Variants in TAF11 observed in about 807,000 individuals in gnomAD.
TAF11 encodes TATA-box binding protein associated factor 11, also known as transcription initiation factor TFIID subunit 11.
Under a neutral mutation model 23.0 loss-of-function variants are expected in TAF11, and 10 were observed. The observed-to-expected ratio is 0.43, with a 90% CI of 0.27 to 0.74. TAF11 has a LOEUF of 0.74. TAF11 is among the 30% of genes least tolerant of loss of function. TAF11 has a pLI of 0.19. For missense variants in TAF11, 196 were observed against 261.7 expected, an observed-to-expected ratio of 0.75 and a Z score of 1.73; for synonymous variants, 85 against 95.8, an observed-to-expected ratio of 0.89 and a Z score of 0.66.
At position 34,888,037 on chromosome 6, in the gene TAF11, G is replaced by C; in HGVS notation, c.-80C>G. Reference sequence around the variant, plus strand: ...CGGAAACCCGAGCTGCACAGGCCAGGATCTTACTTCCTGTCGTCGCGCAGC... The same window carrying C: ...CGGAAACCCGAGCTGCACAGGCCAGCATCTTACTTCCTGTCGTCGCGCAGC... On this transcript the variant is annotated 5_prime_UTR_variant, in exon 1 of 5. It adds an upstream start codon to the 5' untranslated region. Transcript: ENST00000361288. The C allele has an allele frequency of 6.4e-7, 1 of 1,571,866 alleles. No homozygotes were observed. Among genetic ancestry groups the C allele is most frequent in the Non-Finnish European group, 8.6e-7 (1 of 1,161,478 alleles).
Position 34,878,658 on chromosome 6 carries a change from C to T in TAF11, c.568G>A (p.Ala190Thr). The T allele has an allele frequency of 6.2e-7, 1 of 1,614,156 alleles. No homozygotes were observed. Among genetic ancestry groups the T allele is most frequent in the Non-Finnish European group, 8.5e-7 (1 of 1,180,016 alleles). The change falls in exon 5 of 5, where the codon GCC becomes ACC. Residue 190 changes from alanine (A) to threonine (T), a missense_variant. Physicochemically the swap from Ala to Thr is moderately conservative, Grantham distance 58. Transcript: ENST00000361288. ...CCTTTTGACTTTAACCTTCTAACGG[C>T]TTCCCTCATATGTTTGGGTTGTAGT... ...PPLQPKHMRE[A>T]VRRLKSKGQI...
Position 34,883,076 on chromosome 6 carries a change from T to C in TAF11, c.176A>G (p.Glu59Gly). ...TGTTAAATCTGAGACATCCTGACTCTCGAGCTGGGAAGATGAAAGAAACTC... is the reference window on the plus strand; with the variant it reads ...TGTTAAATCTGAGACATCCTGACTCCCGAGCTGGGAAGATGAAAGAAACTC... The part of the protein sequence containing the change: ...KEAAAEEGEL[E>G]SQDVSDLTTV... Residue 59 changes from glutamate (E) to glycine (G), a missense_variant, in exon 2 of 5, where the codon GAG (glutamate) becomes GGG (glycine). Transcript: ENST00000361288. 1 of 1,607,730 alleles carries C rather than the reference T, an allele frequency of 6.2e-7. No individual in the cohort carries two copies. Among genetic ancestry groups the C allele is most frequent in the East Asian group, 2.2e-5 (1 of 44,738 alleles).
intron 4 of TAF11, among the ~76,000 whole-genome samples, chr6:34,879,069 G>C (rs1158275952): frequency 6.6e-6 from 1 of 152,084 alleles, no homozygotes; most frequent in Non-Finnish European, 1.5e-5. Flanking sequence ...GCCAGGGGTG[G>C]TGGTGCGCAC....
intron 2 of TAF11, among the ~76,000 whole-genome samples, chr6:34,881,944 C>T (rs941298111): frequency 1.3e-5 from 2 of 151,700 alleles, no homozygotes; most frequent in East Asian, 2.0e-4. Context: ...GTGATCCACC[C>T]GCCTCAGCCT....
intron 1 of TAF11, among the ~76,000 whole-genome samples, chr6:34,884,118 T>C (rs897257487): frequency 2.6e-5 from 4 of 152,226 alleles, no homozygotes; most frequent in African/African-American, 7.2e-5. Flanking sequence ...TCCACACTTA[T>C]GTTCATTGCA....
At chr6:34,886,149 A>C (rs1187722349) in intron 1 of TAF11, among the ~76,000 whole-genome samples, 1 of 151,994 alleles carries the variant, frequency 6.6e-6, no homozygotes, top group Admixed American at 6.6e-5. Context: ...AAAACAAAAC[A>C]AAAACTTTAG....
At position 34,882,950 on chromosome 6, in the gene TAF11, T is replaced by C. The variant is rs1283234389; in HGVS notation, c.302A>G (p.Asp101Gly). ...GACTTACTGCATCTTCTGAATCTCA[T>C]CTTCATCTACTTTCTGCTTTTTCTC... ...KKEKKQKVDE[D>G]EIQKMQILVS... Residue 101 changes from aspartate to glycine, a missense_variant, in exon 2 of 5, where the codon GAT becomes GGT. By Grantham distance (94) the Asp-to-Gly change is moderately conservative (BLOSUM62 -1). Transcript: ENST00000361288. 1 of 1,606,668 alleles carries C rather than the reference T, an allele frequency of 6.2e-7. No individual in the cohort carries two copies. The highest frequency in any genetic ancestry group is 1.7e-5 in the Admixed American group (1 of 58,838).
At chr6:34,886,487 C>T (rs1296981255) in intron 1 of TAF11, among the ~76,000 whole-genome samples, 1 of 150,780 alleles carries the variant, frequency 6.6e-6, no homozygotes. Context: ...TTTTTTTTTC[C>T]GAGACGGAGT....
chr6:34,884,859 T>C (rs1766501867), intron 1 of TAF11, among the ~76,000 whole-genome samples: 1 of 152,202 alleles, frequency 6.6e-6, no homozygotes, highest in Non-Finnish European at 1.5e-5. Context: ...CTTTAAAAAA[T>C]CACCTATTTT....
rs139271750 is a variant in TAF11 at position 34,883,135 on chromosome 6, C to G, written c.172-55G>C. 7 of 1,556,632 alleles carry G rather than the reference C, an allele frequency of 4.5e-6. No individual in the cohort carries two copies. The African/African-American group carries it at 9.7e-5, about 22-fold the overall frequency. On this transcript the variant is annotated intron_variant, in intron 1 of 4. Transcript: ENST00000361288. ...ATTTGGCCTACTTTCCAGGCTTGGG[C>G]AAAGTAAGAAGACATCATCCTTATC...
At chr6:34,881,746 G>C (rs1224245672) in intron 2 of TAF11, among the ~76,000 whole-genome samples, 1 of 151,872 alleles carries the variant, frequency 6.6e-6, no homozygotes, top group African/African-American at 2.4e-5. Context: ...GCCCAGGCTG[G>C]AGTGCAGTGG....
intron 4 of TAF11, chr6:34,879,627 A>G: frequency 5.1e-6 from 5 of 985,268 alleles, no homozygotes; most frequent in Non-Finnish European, 4.8e-6. Flanking sequence ...ACAACTCACC[A>G]TCCCACACAG....
rs922488054 is a variant in TAF11 at position 34,880,965 on chromosome 6, C to T, written c.321-589G>A. Among the ~76,000 whole-genome samples, 9 of 152,066 alleles carry T rather than the reference C, an allele frequency of 5.9e-5. No homozygotes were observed. The highest frequency in any genetic ancestry group is 2.2e-4 in the African/African-American group (9 of 41,478). ...ATAACATTTTTCATAAATCAGACCA[C>T]TATTAAAAAAAGAATGGTATTAGAA... On this transcript the variant is annotated intron_variant, in intron 2 of 4. Coordinates refer to ENST00000361288, the MANE Select transcript of TAF11 (RefSeq NM_005643.4). The surrounding 1 kb of genome is among the most constrained non-coding windows in gnomAD (Gnocchi z 4.8).
At chr6:34,884,374 C>T (rs931476555) in intron 1 of TAF11, among the ~76,000 whole-genome samples, 9 of 151,526 alleles carry the variant, frequency 5.9e-5, no homozygotes, top group Non-Finnish European at 8.8e-5. Flanking sequence ...TGACAGCACA[C>T]GGACACATAG....
At chr6:34,882,908 G>T in intron 2 of TAF11, 24 bp downstream of exon 2, 2 of 1,568,114 alleles carry the variant, frequency 1.3e-6, no homozygotes, top group South Asian at 1.2e-5. Context: ...CCTCGAAATG[G>T]GGAATGATAA....
At chr6:34,879,941 C>T in intron 4 of TAF11, 26 bp downstream of exon 4, 1 of 1,603,952 alleles carries the variant, frequency 6.2e-7, no homozygotes, top group African/African-American at 1.3e-5. Flanking sequence ...AGGTACAATC[C>T]AGTATTTGTA....
At chr6:34,883,637 A>T (rs946061702) in intron 1 of TAF11, among the ~76,000 whole-genome samples, 2 of 152,150 alleles carry the variant, frequency 1.3e-5, no homozygotes, top group Non-Finnish European at 2.9e-5. Context: ...TTTATTTCAC[A>T]TTACTAGTCT....
chr6:34,886,741 C>G (rs1766535036), intron 1 of TAF11, among the ~76,000 whole-genome samples: 1 of 152,060 alleles, frequency 6.6e-6, no homozygotes, highest in South Asian at 2.1e-4. Flanking sequence ...GCTGGGATTA[C>G]AGGCGTGAGC....
rs1415621700 is a variant in TAF11, at chr6:34,882,818, C to T, written c.320+114G>A. 9.4e-6 allele frequency: 12 copies of T among 1,276,772 alleles called. No homozygotes were observed. In the East Asian group the frequency reaches 1.0e-4, roughly 11 times the overall value. The allele number at this position is 1,276,772 out of a possible 1,614,324, so 79.1% of individuals were successfully genotyped here. On this transcript the variant is annotated intron_variant, in intron 2 of 4. Transcript: ENST00000361288. The stretch of plus-strand genomic sequence containing the variant: ...CCATGCCCAGCCATAATGTATTAAT[C>T]GTTTTATTTTCTTTTGAGTTTATAA...
Sources: allele counts gnomAD v4.1 joint callset (sites outside exome capture counted in the v4.1 genomes callset), GRCh38; gene constraint gnomAD v4.1.1; non-coding constraint Gnocchi (gnomAD v3.1); transcripts MANE v1.5; gene names NCBI Gene and HGNC (gene_info 2026-07-23, HGNC 2026-07-21).